The following MYO1E variants were observed in gnomAD, a reference collection of about 807,000 sequenced individuals.
The protein encoded by MYO1E is unconventional myosin-Ie.
Under a neutral mutation model 151.1 loss-of-function variants are expected in MYO1E, and 68 were observed. That is an observed-to-expected ratio of 0.45 (90% CI 0.37 to 0.55). The LOEUF is 0.55. MYO1E is among the 20% of genes least tolerant of loss of function. The pLI is 0.00. For synonymous variants in MYO1E, 601 were observed against 501.7 expected, an observed-to-expected ratio of 1.20 and a Z score of -2.64; for missense variants, 1,363 against 1,389.3, an observed-to-expected ratio of 0.98 and a Z score of 0.30.
In MYO1E at chr15:59,185,828, T is replaced by G. The variant is rs553292205; in HGVS notation, c.1904+2290A>C. Reference sequence around the variant, plus strand: ...TGGATACGCTTTTGGATGTCACAACTCAGAGGAAGGTACACTACTGGCATC... The same window carrying G: ...TGGATACGCTTTTGGATGTCACAACGCAGAGGAAGGTACACTACTGGCATC... On this transcript the variant is annotated intron_variant, in intron 18 of 27. Transcript: ENST00000288235. Among the ~76,000 whole-genome samples the G allele has an allele frequency of 5.3e-5, 8 of 152,264 alleles. No homozygotes were observed. The East Asian group carries it at 1.5e-3, about 29-fold the overall frequency.
At chr15:59,202,275 G>T in intron 16 of MYO1E, 51 bp downstream of exon 16, 1 of 1,530,806 alleles carries the variant, frequency 6.5e-7, no homozygotes, top group Non-Finnish European at 9.0e-7. Context: ...CTTACTCCTA[G>T]AAAGCGCTAG....
chr15:59,205,249 A>C (rs1435332815), intron 15 of MYO1E, 151 bp downstream of exon 15: 1 of 820,070 alleles, frequency 1.2e-6, no homozygotes, highest in East Asian at 2.4e-5. Context: ...TGCAGCCTCA[A>C]ACTCCTAGGA....
At chr15:59,149,048 T>TGTTTG (rs1163365781) in intron 26 of MYO1E, among the ~76,000 whole-genome samples, 8 of 59,702 alleles carry the variant, frequency 1.3e-4, no homozygotes, top group African/African-American at 3.6e-4. Context: ...GTTTTTTTTT[T>TGTTTG]TTTGTTTTTT....
intron 1 of MYO1E, among the ~76,000 whole-genome samples, chr15:59,293,411 T>A (rs1437841515): frequency 3.3e-5 from 5 of 152,012 alleles, no homozygotes; most frequent in Admixed American, 2.0e-4. Flanking sequence ...CCAGGCGTGG[T>A]GGCAGGCACC....
chr15:59,363,023 T>C (rs1453169744), intron 1 of MYO1E, among the ~76,000 whole-genome samples: 1 of 141,856 alleles, frequency 7.0e-6, no homozygotes, highest in Non-Finnish European at 1.5e-5. Context: ...TCACCCAGGC[T>C]GGAATGCAGT....
chr15:59,359,896 C>T (rs1405561273), intron 1 of MYO1E: 1 of 152,170 alleles, frequency 6.6e-6, no homozygotes, highest in Admixed American at 6.5e-5. Flanking sequence ...AAGCTATTTG[C>T]TTTGGTTCTC....
chr15:59,144,414 G>A (rs148052422), intron 26 of MYO1E, among the ~76,000 whole-genome samples: 1,752 of 152,110 alleles, frequency 0.012, 35 homozygotes, highest in East Asian at 0.037. Flanking sequence ...TGATCCGCCC[G>A]CCTCAGCCTC....
intron 6 of MYO1E, among the ~76,000 whole-genome samples, chr15:59,228,837 T>G (rs2080007581): frequency 6.6e-6 from 1 of 152,210 alleles, no homozygotes; most frequent in Non-Finnish European, 1.5e-5. Context: ...ACTGCAAATG[T>G]GTGAGTACAT....
intron 13 of MYO1E, among the ~76,000 whole-genome samples, chr15:59,210,200 T>C (rs114966911): frequency 2.6e-5 from 4 of 152,186 alleles, no homozygotes; most frequent in East Asian, 1.9e-4. Context: ...GTCCTAGAAG[T>C]TGGACTAGAA....
intron 4 of MYO1E, among the ~76,000 whole-genome samples, chr15:59,251,963 G>C (rs2080167688): frequency 6.6e-6 from 1 of 152,140 alleles, no homozygotes; most frequent in African/African-American, 2.4e-5. Flanking sequence ...AATAATATTG[G>C]TATTGTTACT....
chr15:59,276,451 G>A (rs1209320158), intron 1 of MYO1E, among the ~76,000 whole-genome samples: 1 of 152,108 alleles, frequency 6.6e-6, no homozygotes. Context: ...GCTACGACAT[G>A]AACGTAATAA....
intron 26 of MYO1E, among the ~76,000 whole-genome samples, chr15:59,142,920 CAAAAAAA>C (rs10717979): frequency 4.9e-4 from 43 of 87,232 alleles, no homozygotes; most frequent in Admixed American, 1.7e-3. Context: ...TAATTAGGTG[CAAAAAAA>C]AAAAAAAAAA....
chr15:59,266,932 A>T (rs2080258597), intron 2 of MYO1E: 1 of 148,768 alleles, frequency 6.7e-6, no homozygotes, highest in South Asian at 2.2e-4. Context: ...AAGTGCTAGG[A>T]TTACAGGCGT....
chr15:59,232,027 G>A (rs7164938), intron 5 of MYO1E, among the ~76,000 whole-genome samples: 124 of 152,210 alleles, frequency 8.1e-4, no homozygotes, highest in African/African-American at 2.8e-3. Context: ...AGGAGCCAGG[G>A]CCCCACTGTC....
At chr15:59,193,618 C>T (rs1386744872) in intron 17 of MYO1E, among the ~76,000 whole-genome samples, 4 of 152,114 alleles carry the variant, frequency 2.6e-5, no homozygotes, top group African/African-American at 9.7e-5. Context: ...AAGAGAAACA[C>T]GACGGTCACC....
chr15:59,265,131 A>T (rs1169151616), intron 2 of MYO1E: 7 of 152,260 alleles, frequency 4.6e-5, no homozygotes, highest in Non-Finnish European at 1.0e-4. Flanking sequence ...GAAGAGGAAG[A>T]TGTTTATTTC....
chr15:59,180,780 T>G (rs532775557), intron 18 of MYO1E, among the ~76,000 whole-genome samples: 1 of 152,222 alleles, frequency 6.6e-6, no homozygotes. Context: ...TTCTCTAGGA[T>G]ATACTCATGG....
intron 3 of MYO1E, among the ~76,000 whole-genome samples, chr15:59,261,043 G>T (rs528243861): frequency 9.2e-5 from 14 of 151,880 alleles, no homozygotes; most frequent in Middle Eastern, 3.4e-3. Flanking sequence ...GTGAAATACC[G>T]TCTCTACTAA....
At chr15:59,342,236 T>C (rs1260871454) in intron 1 of MYO1E, among the ~76,000 whole-genome samples, 1 of 152,256 alleles carries the variant, frequency 6.6e-6, no homozygotes, top group Non-Finnish European at 1.5e-5. Flanking sequence ...GATTTTTTCC[T>C]ACAGAGTTAT....
Sources: allele counts gnomAD v4.1 joint callset (sites outside exome capture counted in the v4.1 genomes callset), GRCh38; gene constraint gnomAD v4.1.1; transcripts MANE v1.5; gene names NCBI Gene and HGNC (gene_info 2026-07-23, HGNC 2026-07-21).